SPTA1: variants seen among roughly 807,000 people sequenced by gnomAD.
SPTA1 encodes the protein spectrin alpha chain, erythrocytic 1.
SPTA1 carries 177 observed loss-of-function variants against 324.7 expected under a neutral mutation model. The observed-to-expected ratio is 0.55, with a 90% CI of 0.48 to 0.62. The LOEUF (loss-of-function observed/expected upper bound fraction) is 0.62. SPTA1 is among the 20% of genes least tolerant of loss of function. The pLI, the probability that SPTA1 is intolerant of heterozygous loss-of-function variation, is 0.00. For synonymous variants in SPTA1, 1,195 were observed against 1,041.3 expected (o/e 1.15, Z -2.84); for missense variants, 3,162 against 2,883.6 (o/e 1.10, Z -2.21).
intron 41 of SPTA1, 73 bp from the exon 42 acceptor site, chr1:158,626,295 A>G: frequency 7.3e-7 from 1 of 1,365,122 alleles, no homozygotes; most frequent in South Asian, 1.2e-5. Context: ...GAAAAGGAAT[A>G]TTTACAACAC....
intron 42 of SPTA1, 110 bp from the exon 43 acceptor site, chr1:158,623,302 G>T: frequency 1.1e-6 from 1 of 940,388 alleles, no homozygotes; most frequent in Non-Finnish European, 1.8e-6. Context: ...GAATTAAGAT[G>T]ATGATTAAGA....
intron 19 of SPTA1, among the ~76,000 whole-genome samples, chr1:158,657,068 G>A (rs1652883437): frequency 6.6e-6 from 1 of 152,134 alleles, no homozygotes; most frequent in South Asian, 2.1e-4. Context: ...TAAAAAGTGT[G>A]ATTATAACCT....
chr1:158,616,191 A>T (rs770997971), intron 47 of SPTA1, among the ~76,000 whole-genome samples: 21 of 152,314 alleles, frequency 1.4e-4, no homozygotes, highest in Admixed American at 2.6e-4. Context: ...ATTTGTAAAG[A>T]TCAAATCAGT....
intron 30 of SPTA1, 37 bp downstream of exon 30, chr1:158,644,216 G>T: frequency 1.2e-6 from 2 of 1,609,908 alleles, no homozygotes; most frequent in Non-Finnish European, 1.7e-6. Flanking sequence ...TTATTACTAC[G>T]GATTATTATT....
At chr1:158,669,063 C>T (rs766454367) in intron 14 of SPTA1, among the ~76,000 whole-genome samples, 1 of 152,142 alleles carries the variant, frequency 6.6e-6, no homozygotes, top group East Asian at 1.9e-4. Flanking sequence ...CAACATTTAC[C>T]TACTATACGG....
At chr1:158,651,245 A>G (rs1652406729) in intron 24 of SPTA1, 122 bp downstream of exon 24, 1 of 752,240 alleles carries the variant, frequency 1.3e-6, no homozygotes, top group South Asian at 1.4e-5. Flanking sequence ...CTAATTCCAT[A>G]CTGCTGTTAC....
At chr1:158,642,136 A>G (rs1463338475) in intron 33 of SPTA1, among the ~76,000 whole-genome samples, 2 of 152,000 alleles carry the variant, frequency 1.3e-5, no homozygotes, top group Non-Finnish European at 2.9e-5. Context: ...AGGAATGGGA[A>G]CATCACACAC....
At chr1:158,620,715 G>T (rs901688438) in intron 43 of SPTA1, 5 of 431,830 alleles carry the variant, frequency 1.2e-5, no homozygotes, top group African/African-American at 1.0e-4. Flanking sequence ...ACAAATGAGG[G>T]AGGTCGAATT....
At chr1:158,674,190 G>A (rs2101922955) in intron 10 of SPTA1, 139 bp downstream of exon 10, 1 of 940,988 alleles carries the variant, frequency 1.1e-6, no homozygotes, top group East Asian at 2.5e-5. Flanking sequence ...AGGAAGCAGT[G>A]TAAAAGTTTG....
chr1:158,632,998 G>A (rs564791717), intron 39 of SPTA1, among the ~76,000 whole-genome samples: 1 of 152,270 alleles, frequency 6.6e-6, no homozygotes, highest in South Asian at 2.1e-4. Flanking sequence ...AATAAGAAGG[G>A]ATGAACTATT....
rs760565639 is a variant in SPTA1, at chr1:158,648,603, C to T, written c.3620G>A (p.Ser1207Asn). The T allele has an allele frequency of 6.8e-6, 11 of 1,613,820 alleles. No individual in the cohort carries two copies. Among genetic ancestry groups the T allele is most frequent in the Non-Finnish European group, 9.3e-6 (11 of 1,179,968 alleles). The part of the protein sequence containing the change: ...EQIEKKCQAL[S>N]AADPGSDLFS... The stretch of plus-strand genomic sequence containing the variant: ...CAGATCTGAGCCAGGGTCTGCAGCA[C>T]TGAGGGCCTGGCATTTCTTCTCAAT... The change falls in exon 26 of 52, where the codon AGT (serine) becomes AAT (asparagine). Residue 1207 changes from serine (S) to asparagine (N), a missense_variant. By Grantham distance (46) the Ser-to-Asn change is conservative. Transcript: ENST00000643759.
intron 14 of SPTA1, among the ~76,000 whole-genome samples, chr1:158,668,274 T>C (rs574005607): frequency 9.9e-5 from 15 of 152,282 alleles, no homozygotes; most frequent in African/African-American, 3.6e-4. Context: ...AGCTGGCAAT[T>C]TTTTTGCTGG....
In SPTA1 at chr1:158,648,444, G is replaced by C. The variant is rs998533846; in HGVS notation, c.3714+65C>G. The C allele has an allele frequency of 7.5e-6, 12 of 1,595,250 alleles. No individual in the cohort carries two copies. In the East Asian group the frequency reaches 2.2e-4, roughly 30 times the overall value. ...ACTGAAAAAGAGAACCAAAGAAGAG[G>C]GCATTGGTATACGGCTAAATATAGA... is the stretch of plus-strand genomic sequence containing the variant. On this transcript the variant is annotated intron_variant, in intron 26 of 51. Coordinates refer to ENST00000643759, the MANE Select transcript of SPTA1 (RefSeq NM_003126.4).
intron 5 of SPTA1, among the ~76,000 whole-genome samples, chr1:158,680,239 T>C (rs1654702333): frequency 6.6e-6 from 1 of 152,176 alleles, no homozygotes; most frequent in Non-Finnish European, 1.5e-5. Flanking sequence ...TTTGTGTTTT[T>C]TCATGAAGAA....
intron 20 of SPTA1, among the ~76,000 whole-genome samples, chr1:158,656,202 T>G (rs534543711): frequency 6.6e-6 from 1 of 152,170 alleles, no homozygotes; most frequent in Non-Finnish European, 1.5e-5. Flanking sequence ...AGACATTTAA[T>G]AAGTTTTGGC....
chr1:158,634,534 G>A lies in SPTA1; in HGVS notation c.5565+9C>T. The A allele has an allele frequency of 5.0e-6, 8 of 1,613,748 alleles. No homozygotes were observed. The highest frequency in any genetic ancestry group is 6.8e-6 in the Non-Finnish European group (8 of 1,180,008). On this transcript the variant is annotated intron_variant, in intron 39 of 51. Transcript: ENST00000643759. ...AGAAGAAAATTGATTCATTCTTCCT[G>A]TTCCTCACCTGAGTAGCAGCTAATG...
rs1177946208 is a variant in SPTA1, at chr1:158,617,579, G to A, written c.6558C>T (p.Leu2186=). The A allele has an allele frequency of 6.2e-7, 1 of 1,612,988 alleles. No homozygotes were observed. The highest frequency in any genetic ancestry group is 1.3e-5 in the African/African-American group (1 of 74,968). The stretch of plus-strand genomic sequence containing the variant: ...GAGATTCCAGAGTTCCTGTTTCTTT[G>A]AGCAATGATCTAGTTAAGAACCGAA... The part of the protein sequence containing the change: ...TRAYFLDGSL[L]KETGTLESQL... The change falls in exon 47 of 52, where the codon CTC becomes CTT. Residue 2186 remains leucine (L), a synonymous_variant. Transcript: ENST00000643759.
At chr1:158,642,265 A>G (rs1571427996) in intron 33 of SPTA1, 146 bp downstream of exon 33, 1 of 822,038 alleles carries the variant, frequency 1.2e-6, no homozygotes, top group Non-Finnish European at 1.7e-6. Context: ...CATATGTAAC[A>G]AACCTGCACA....
At chr1:158,643,139 T>A (rs973931956) in intron 31 of SPTA1, among the ~76,000 whole-genome samples, 163 bp from the exon 32 acceptor site, 3 of 152,202 alleles carry the variant, frequency 2.0e-5, no homozygotes, top group Admixed American at 1.3e-4. Flanking sequence ...ATTTCTAAGG[T>A]ATCTTTCATC....
Sources: allele counts gnomAD v4.1 joint callset (sites outside exome capture counted in the v4.1 genomes callset), GRCh38; gene constraint gnomAD v4.1.1; transcripts MANE v1.5; gene names NCBI Gene and HGNC (gene_info 2026-07-23, HGNC 2026-07-21).